WDR3: variants seen among roughly 807,000 people sequenced by gnomAD.
The protein encoded by WDR3 is WD repeat domain 3.
A neutral mutation model predicts 123.7 loss-of-function variants in WDR3; 81 were observed. The observed-to-expected ratio is 0.65, with a 90% confidence interval of 0.55 to 0.79. WDR3 has a LOEUF of 0.79. Among genes scored for constraint, WDR3 ranks in the 30% least tolerant of loss-of-function variants. WDR3 has a pLI of 0.00. For synonymous variants in WDR3, 390 were observed against 388.8 expected (o/e 1.00, Z -0.04); for missense variants, 1,027 against 1,123.2 (o/e 0.91, Z 1.22).
rs369211256 is a variant in WDR3 at position 117,950,072 on chromosome 1, T to A, written c.1688T>A (p.Leu563Gln). 1 of 1,613,884 alleles carries A rather than the reference T, an allele frequency of 6.2e-7. No individual in the cohort carries two copies. Among genetic ancestry groups the A allele is most frequent in the African/African-American group, 1.3e-5 (1 of 74,914 alleles). ...GTCAGTTACTCTCCCAATCAAAAGC[T>A]ATTGGCTGTGTCTTTGCTGGACTGT... is the stretch of plus-strand genomic sequence containing the variant. ...LCVSYSPNQK[L>Q]LAVSLLDCTV... is the part of the protein sequence containing the mutation. The change falls in exon 15 of 27, where the codon CTA becomes CAA. Residue 563 changes from leucine (L) to glutamine (Q), a missense_variant. Coordinates refer to ENST00000349139, the MANE Select transcript of WDR3 (RefSeq NM_006784.3).
chr1:117,941,278 C>T, intron 8 of WDR3, 53 bp downstream of exon 8: 2 of 1,540,360 alleles, frequency 1.3e-6, no homozygotes, highest in South Asian at 2.3e-5. Context: ...TCCTTCCAAA[C>T]ACTCATTCTT....
chr1:117,942,433 C>A lies in WDR3; in HGVS notation c.990-4C>A. On this transcript the variant is annotated splice_region_variant and splice_polypyrimidine_tract_variant and intron_variant, in intron 9 of 26. Transcript: ENST00000349139. ...GCATGATATACTTTTCTTCTTCCCTCTAGATTACATTCTAGCAAAGGAGAG... is the reference window on the plus strand; with the variant it reads ...GCATGATATACTTTTCTTCTTCCCTATAGATTACATTCTAGCAAAGGAGAG... 1 of 1,612,450 alleles carries A rather than the reference C, an allele frequency of 6.2e-7. No homozygotes were observed. Among genetic ancestry groups the A allele is most frequent in the Non-Finnish European group, 8.5e-7 (1 of 1,178,746 alleles).
At chr1:117,942,390 G>A (rs1427781019) in intron 9 of WDR3, 47 bp from the exon 10 acceptor site, 1 of 1,547,896 alleles carries the variant, frequency 6.5e-7, no homozygotes, top group African/African-American at 1.4e-5. Context: ...GAGCAAAGCT[G>A]CTTCTAGAAA....
In WDR3 at chr1:117,963,872, A is replaced by G. The variant is rs760662346; in HGVS notation, c.*4425A>G. ...ATAAATTGTAGAAGTTCTCTGGACC[A>G]TTGGATTTTCTTTTCCCTGGGGAAA... On this transcript the variant is annotated 3_prime_UTR_variant, in exon 27 of 27. Transcript: ENST00000349139. 1 of 1,613,994 alleles carries G rather than the reference A, an allele frequency of 6.2e-7. No homozygotes were observed. Among genetic ancestry groups the G allele is most frequent in the South Asian group, 1.1e-5 (1 of 91,074 alleles).
Position 117,942,473 on chromosome 1 carries a change from G to C in WDR3, c.1026G>C (p.Glu342Asp). ...GCAAAGGAGAGGAGGAAGATCCTGAGGTTAATGTTGAAATGAGTCTGCAAG... is the reference window on the plus strand; with the variant it reads ...GCAAAGGAGAGGAGGAAGATCCTGACGTTAATGTTGAAATGAGTCTGCAAG... ...HSSKGEEEDP[E>D]VNVEMSLQDE... Residue 342 changes from glutamate to aspartate, a missense_variant, in exon 10 of 27, where the codon GAG becomes GAC. Physicochemically the swap from Glu to Asp is conservative, Grantham distance 45. Coordinates refer to ENST00000349139, the MANE Select transcript of WDR3 (RefSeq NM_006784.3). The C allele has an allele frequency of 3.1e-6, 5 of 1,613,994 alleles. No individual in the cohort carries two copies. The highest frequency in any genetic ancestry group is 4.2e-6 in the Non-Finnish European group (5 of 1,179,944).
At chr1:117,937,446 A>C (rs1469901908) in intron 4 of WDR3, among the ~76,000 whole-genome samples, 2 of 152,212 alleles carry the variant, frequency 1.3e-5, no homozygotes, top group Non-Finnish European at 2.9e-5. Context: ...TTTGCCAGGC[A>C]TTAATTAGAG....
rs937994941 is a variant in WDR3, at chr1:117,962,134, T to C, written c.*2687T>C. On this transcript the variant is annotated 3_prime_UTR_variant, in exon 27 of 27. Coordinates refer to ENST00000349139, the MANE Select transcript of WDR3 (RefSeq NM_006784.3). ...CACCATTTATAACTCAAAAGCCTGA[T>C]AGTGCTAGGGAATGTAAAGATGTTT... is the stretch of plus-strand genomic sequence containing the variant. 4.6e-5 allele frequency: 7 copies of C among 152,038 alleles called. No homozygotes were observed. The highest frequency in any genetic ancestry group is 7.4e-5 in the Non-Finnish European group (5 of 68,024). 9.4% of individuals were successfully genotyped at this position (152,038 alleles called of 1,614,324 possible).
Position 117,964,197 on chromosome 1 carries a change from A to T in WDR3, c.*4750A>T. On this transcript the variant is annotated 3_prime_UTR_variant, in exon 27 of 27. Coordinates refer to ENST00000349139, the MANE Select transcript of WDR3 (RefSeq NM_006784.3). Reference sequence around the variant, plus strand: ...TGGCTTTCTATAAGGAGCCATCAGTATGGTCAAGCCCCAAACCATATCTAC... The same window carrying T: ...TGGCTTTCTATAAGGAGCCATCAGTTTGGTCAAGCCCCAAACCATATCTAC... 2.7e-5 allele frequency: 7 copies of T among 263,998 alleles called. No individual in the cohort carries two copies. The highest frequency in any genetic ancestry group is 7.6e-5 in the South Asian group (1 of 13,106). 16.4% of individuals were successfully genotyped at this position (263,998 alleles called of 1,614,324 possible). A position where few individuals can be genotyped will look rare whatever the true frequency, so the allele number is the denominator to read the frequency against.
At chr1:117,934,399 C>A in intron 2 of WDR3, 74 bp from the exon 3 acceptor site, 2 of 1,422,212 alleles carry the variant, frequency 1.4e-6, no homozygotes, top group Non-Finnish European at 1.9e-6. Flanking sequence ...TTTACTGTGC[C>A]TGAGTATTCC....
chr1:117,934,236 A>C (rs1243749670), intron 2 of WDR3, among the ~76,000 whole-genome samples: 2 of 152,254 alleles, frequency 1.3e-5, no homozygotes, highest in African/African-American at 4.8e-5. Context: ...ATGTATTACA[A>C]CAACGTAGGG....
At chr1:117,956,417 C>T (rs1360109940) in intron 24 of WDR3, among the ~76,000 whole-genome samples, 3 of 152,086 alleles carry the variant, frequency 2.0e-5, no homozygotes, top group Non-Finnish European at 2.9e-5. Context: ...ATATTCCTTA[C>T]AAGAAACAAC....
intron 10 of WDR3, among the ~76,000 whole-genome samples, chr1:117,942,962 A>AT (rs200322272): frequency 0.014 from 1,884 of 138,322 alleles, 35 homozygotes; most frequent in South Asian, 0.095. Context: ...CACTCTTTTA[A>AT]TTTTTTTTGA....
chr1:117,957,469 A>G (rs1652381927), intron 25 of WDR3, among the ~76,000 whole-genome samples: 1 of 152,218 alleles, frequency 6.6e-6, no homozygotes, highest in South Asian at 2.1e-4. Context: ...TTGCTCAGGA[A>G]TGCTTACTCA....
chr1:117,945,025 A>C (rs925023212), intron 11 of WDR3, among the ~76,000 whole-genome samples: 2 of 151,976 alleles, frequency 1.3e-5, no homozygotes, highest in African/African-American at 4.8e-5. Flanking sequence ...TATTCATCCA[A>C]TCTATTAGCA....
chr1:117,958,828 TTG>T, intron 25 of WDR3, 80 bp from the exon 26 acceptor site: 1 of 925,124 alleles, frequency 1.1e-6, no homozygotes, highest in Non-Finnish European at 1.7e-6. Context: ...TGCTTTGATA[TTG>T]TGTCTGTTTA....
chr1:117,934,134 T>C (rs1303047811), intron 2 of WDR3, among the ~76,000 whole-genome samples: 1 of 152,242 alleles, frequency 6.6e-6, no homozygotes, highest in African/African-American at 2.4e-5. Flanking sequence ...AAGGAATTTA[T>C]AAACCTTTAT....
In WDR3 at chr1:117,953,519, AAAC is replaced by A. The variant is rs1553205841; in HGVS notation, c.2247_2249del (p.Lys749_Thr750delinsAsn). ...GGTGACAGTTACTTTACTGGAAAGA[AAAC>A]TATTGAAACAGTGAAAGCAGTAAGT... On this transcript the variant is annotated inframe_deletion, in exon 21 of 27. Transcript: ENST00000349139. The A allele has an allele frequency of 1.2e-6, 2 of 1,612,820 alleles. No individual in the cohort carries two copies. The highest frequency in any genetic ancestry group is 1.7e-6 in the Non-Finnish European group (2 of 1,179,132).
chr1:117,952,052 AGTCT>A lies in WDR3; in HGVS notation c.1881_1884del (p.Lys627AsnfsTer9). On this transcript the variant is annotated frameshift_variant, in exon 17 of 27. Transcript: ENST00000349139. LOFTEE classifies it high-confidence loss of function. ...GGTTTGGACTTTGGGGACTGCCACA[AGTCT>A]CTCTTTGCACATGATGACAGGTATG... 6.2e-7 allele frequency: 1 copy of A among 1,613,392 alleles called. No individual in the cohort carries two copies. Among genetic ancestry groups the A allele is most frequent in the Non-Finnish European group, 8.5e-7 (1 of 1,179,450 alleles).
intron 1 of WDR3, among the ~76,000 whole-genome samples, chr1:117,932,886 T>G (rs111282251): frequency 8.5e-5 from 13 of 152,242 alleles, no homozygotes; most frequent in African/African-American, 3.1e-4. Context: ...TTACATGCTT[T>G]TAATGACATG....
Sources: gnomAD v4.1 joint callset for allele counts (sites outside exome capture counted in the v4.1 genomes callset) on GRCh38, gnomAD v4.1.1 for gene constraint, MANE v1.5 for transcripts, NCBI Gene and HGNC (gene_info 2026-07-23, HGNC 2026-07-21) for gene names.